Variants in ROBO3 observed in about 807,000 individuals in gnomAD.
ROBO3 encodes roundabout guidance receptor 3, also known as roundabout homolog 3.
A neutral mutation model predicts 160.5 loss-of-function variants in ROBO3; 97 were observed. The observed-to-expected ratio is 0.60, with a 90% CI of 0.51 to 0.72. The LOEUF (loss-of-function observed/expected upper bound fraction) is 0.72, where lower values mean the gene tolerates loss of function less well. ROBO3 is among the 30% of genes least tolerant of loss of function. The pLI, the probability that ROBO3 is intolerant of heterozygous loss-of-function variation, is 0.00. For synonymous variants in ROBO3, 780 were observed against 746.2 expected (o/e 1.05, Z -0.74); for missense variants, 1,858 against 1,846.5 (o/e 1.01, Z -0.11).
intron 15 of ROBO3, 77 bp from the exon 16 acceptor site, chr11:124,875,877 C>T (rs1946353951): frequency 6.6e-7 from 1 of 1,509,720 alleles, no homozygotes; most frequent in Non-Finnish European, 9.0e-7. Flanking sequence ...GGCTTCTCTA[C>T]CATTTGGAGC....
In ROBO3 at chr11:124,876,729, T is replaced by A; in HGVS notation, c.2779+269T>A. 3.9e-6 allele frequency: 1 copy of A among 256,110 alleles called. No individual in the cohort carries two copies. Among genetic ancestry groups the A allele is most frequent in the Non-Finnish European group, 7.2e-6 (1 of 139,396 alleles). 15.9% of individuals were successfully genotyped at this position (256,110 alleles called of 1,614,324 possible). On this transcript the variant is annotated intron_variant, in intron 17 of 27. Transcript: ENST00000397801. The surrounding 1 kb of genome is among the most constrained non-coding windows in gnomAD (Gnocchi z 5.3). ...AGGCCAGGCTTTGCAACCATCTCCA[T>A]AAAGAAGGGGCAAGTTCGAGGACGG...
At chr11:124,874,001 G>A (rs1319172091) in intron 11 of ROBO3, 69 bp from the exon 12 acceptor site, 3 of 1,597,974 alleles carry the variant, frequency 1.9e-6, no homozygotes, top group Non-Finnish European at 2.6e-6. Context: ...CATAGAGAGT[G>A]GATGAGATGG....
chr11:124,880,402 C>T lies in ROBO3; in HGVS notation c.3959-16C>T, dbSNP rs1356930079. Reference sequence around the variant, plus strand: ...TTCCTGCCTGCACCTGGCTACCCTTCCCTCTTGTGCTGCAGAAGAGGCCTG... The same window carrying T: ...TTCCTGCCTGCACCTGGCTACCCTTTCCTCTTGTGCTGCAGAAGAGGCCTG... On this transcript the variant is annotated splice_polypyrimidine_tract_variant and intron_variant, in intron 26 of 27. Transcript: ENST00000397801. 3.1e-6 allele frequency: 5 copies of T among 1,612,592 alleles called. No homozygotes were observed. The highest frequency in any genetic ancestry group is 4.2e-6 in the Non-Finnish European group (5 of 1,179,156).
Position 124,876,699 on chromosome 11 carries a change from C to T in ROBO3, c.2779+239C>T. 2.1e-6 allele frequency: 1 copy of T among 470,274 alleles called. No homozygotes were observed. Among genetic ancestry groups the T allele is most frequent in the Non-Finnish European group, 3.7e-6 (1 of 270,758 alleles). 29.1% of individuals were successfully genotyped at this position (470,274 alleles called of 1,614,324 possible). A position where few individuals can be genotyped will look rare whatever the true frequency, so the allele number is the denominator to read the frequency against. ...GATGACGTTTGCCTCTAAGACGCCA[C>T]GAGGAGGCCAGGCTTTGCAACCATC... is the stretch of plus-strand genomic sequence containing the variant. On this transcript the variant is annotated intron_variant, in intron 17 of 27. Coordinates refer to ENST00000397801, the MANE Select transcript of ROBO3 (RefSeq NM_022370.4). This position sits in a 1 kb window ranked among gnomAD's most constrained non-coding sequence, Gnocchi z 5.3.
rs374537906 is a variant in ROBO3, at chr11:124,870,611, C to T, written c.916C>T (p.Arg306Trp). ...GELPTGRYEI[R>W]SDHSLWIGHV... ...TGGGGAGTGGAGCAGGTATGAGATC[C>T]GGAGTGACCACAGCCTTTGGATTGG... The change falls in exon 6 of 28, where the codon CGG becomes TGG. Residue 306 changes from arginine (R) to tryptophan (W), a missense_variant. Transcript: ENST00000397801. 9 of 1,613,712 alleles carry T rather than the reference C, an allele frequency of 5.6e-6. No individual in the cohort carries two copies. The highest frequency in any genetic ancestry group is 4.4e-5 in the South Asian group (4 of 90,958).
Position 124,873,298 on chromosome 11 carries a change from C to T in ROBO3, c.1537-12C>T. 6.2e-7 allele frequency: 1 copy of T among 1,603,576 alleles called. No homozygotes were observed. Among genetic ancestry groups the T allele is most frequent in the Non-Finnish European group, 8.5e-7 (1 of 1,175,180 alleles). On this transcript the variant is annotated splice_polypyrimidine_tract_variant and intron_variant, in intron 9 of 27. Transcript: ENST00000397801. This position sits in a 1 kb window ranked among gnomAD's most constrained non-coding sequence, Gnocchi z 4.5. ...CACTCTCAGTTTGCCAGTGCTCTGC[C>T]CTCTCTTCCAGGAGATGGACATGGG...
intron 23 of ROBO3, 73 bp from the exon 24 acceptor site, chr11:124,879,117 C>A: frequency 1.4e-6 from 2 of 1,478,360 alleles, no homozygotes; most frequent in Non-Finnish European, 1.8e-6. Flanking sequence ...GATTGTCTAG[C>A]ACAGTGCCAG....
In ROBO3 at chr11:124,869,429, G is replaced by GCGGGCCCCCCCCCCC; in HGVS notation, c.488-20_488-19insGGGCCCCCCCCCCCC. On this transcript the variant is annotated intron_variant, in intron 2 of 27. Transcript: ENST00000397801. This position sits in a 1 kb window ranked among gnomAD's most constrained non-coding sequence, Gnocchi z 4.2. ...TGTCACTCTACACCCTGCTTATTTC[G>GCGGGCCCCCCCCCCC]CCCCCCACCGCCCCGCCCAGTCCTC... 7.7e-7 allele frequency: 1 copy of GCGGGCCCCCCCCCCC among 1,295,762 alleles called. No individual in the cohort carries two copies. Among genetic ancestry groups the GCGGGCCCCCCCCCCC allele is most frequent in the Non-Finnish European group, 1.1e-6 (1 of 929,940 alleles). The allele number at this position is 1,295,762 out of a possible 1,614,324, so 80.3% of individuals were successfully genotyped here. A position where few individuals can be genotyped will look rare whatever the true frequency, so the allele number is the denominator to read the frequency against.
In ROBO3 at chr11:124,865,539, G is replaced by A. The variant is rs763884077; in HGVS notation, c.-39G>A. On this transcript the variant is annotated 5_prime_UTR_variant, in exon 1 of 28. Transcript: ENST00000397801. The surrounding 1 kb of genome is among the most constrained non-coding windows in gnomAD (Gnocchi z 5.5). ...CACGGGTCTCAGACCCAGGGGCTGGGCCCCCAGCCCCCAGTCCCGATCCCA... is the reference window on the plus strand; with the variant it reads ...CACGGGTCTCAGACCCAGGGGCTGGACCCCCAGCCCCCAGTCCCGATCCCA... 7.5e-6 allele frequency: 12 copies of A among 1,599,972 alleles called. No individual in the cohort carries two copies. The South Asian group carries it at 7.8e-5, about 10-fold the overall frequency.
Position 124,865,686 on chromosome 11 carries a change from C to A in ROBO3, c.109C>A (p.Leu37Met). ...SELLLGFNSS[L>M]AALNHTLLPP... ...GCTGCTCTTGGGCTTCAACTCCTCG[C>A]TGGCGGCGCTCAACCACACCCTGCT... The change falls in exon 1 of 28, where the codon CTG becomes ATG. Residue 37 changes from leucine to methionine, a missense_variant. Transcript: ENST00000397801. This position sits in a 1 kb window ranked among gnomAD's most constrained non-coding sequence, Gnocchi z 5.5. 6.2e-7 allele frequency: 1 copy of A among 1,611,856 alleles called. No homozygotes were observed. Among genetic ancestry groups the A allele is most frequent in the Non-Finnish European group, 8.5e-7 (1 of 1,179,270 alleles).
At chr11:124,880,160 G>T (rs12283298) in intron 26 of ROBO3, among the ~76,000 whole-genome samples, 9,402 of 152,286 alleles carry the variant, frequency 0.062, 840 homozygotes, top group African/African-American at 0.2. Flanking sequence ...CAGATAAGAG[G>T]ACTGGGCTCT....
rs572788740 is a variant in ROBO3, at chr11:124,880,308, T to C, written c.3959-110T>C. 2.0e-6 allele frequency: 3 copies of C among 1,501,926 alleles called. No individual in the cohort carries two copies. The African/African-American group carries it at 4.1e-5, about 21-fold the overall frequency. 93.0% of individuals were successfully genotyped at this position (1,501,926 alleles called of 1,614,324 possible). A position where few individuals can be genotyped will look rare whatever the true frequency, so the allele number is the denominator to read the frequency against. ...CCCCAGGCTGGCTGAGCCCTGTGCC[T>C]GCCCTTCATCTTCTTCCAGAGCTGA... is the stretch of plus-strand genomic sequence containing the variant. On this transcript the variant is annotated intron_variant, in intron 26 of 27. Coordinates refer to ENST00000397801, the MANE Select transcript of ROBO3 (RefSeq NM_022370.4).
Position 124,870,036 on chromosome 11 carries a change from G to T in ROBO3, c.734G>T (p.Arg245Leu). 6.2e-7 allele frequency: 1 copy of T among 1,614,012 alleles called. No individual in the cohort carries two copies. The highest frequency in any genetic ancestry group is 8.5e-7 in the Non-Finnish European group (1 of 1,179,898). The part of the protein sequence containing the change: ...VCVASNMAGE[R>L]ESAAAEVMVL... ...GTAGCCTCCAACATGGCGGGAGAAC[G>T]GGAGAGTGCGGCAGCTGAAGTCATG... The change falls in exon 4 of 28, where the codon CGG (arginine) becomes CTG (leucine). Residue 245 changes from arginine to leucine, a missense_variant. Physicochemically the swap from Arg to Leu is moderately radical, Grantham distance 102. Transcript: ENST00000397801.
Position 124,865,525 on chromosome 11 carries a change from G to A in ROBO3, c.-53G>A, listed in dbSNP as rs908972982. 83 of 1,583,698 alleles carry A rather than the reference G, an allele frequency of 5.2e-5. No homozygotes were observed. The highest frequency in any genetic ancestry group is 7.1e-5 in the Non-Finnish European group (83 of 1,166,440). ...TACGGCTCCCAGCCCACGGGTCTCA[G>A]ACCCAGGGGCTGGGCCCCCAGCCCC... On this transcript the variant is annotated 5_prime_UTR_variant, in exon 1 of 28. Coordinates refer to ENST00000397801, the MANE Select transcript of ROBO3 (RefSeq NM_022370.4). The surrounding 1 kb of genome is among the most constrained non-coding windows in gnomAD (Gnocchi z 5.5).
Position 124,877,326 on chromosome 11 carries a change from A to G in ROBO3, c.2846+17A>G, listed in dbSNP as rs751193450. ...CAGTTCCAGGTAATTCTCTTAGCCC[A>G]TTTCCTCAGGATGACCTCCACCGAC... is the stretch of plus-strand genomic sequence containing the variant. On this transcript the variant is annotated intron_variant, in intron 19 of 27. Coordinates refer to ENST00000397801, the MANE Select transcript of ROBO3 (RefSeq NM_022370.4). The G allele has an allele frequency of 1.9e-6, 3 of 1,613,290 alleles. 1 individual carries two copies. In the South Asian group the frequency reaches 3.3e-5, roughly 18 times the overall value.
chr11:124,866,003 G>A (rs1400521692), intron 1 of ROBO3, among the ~76,000 whole-genome samples: 1 of 152,170 alleles, frequency 6.6e-6, no homozygotes, highest in African/African-American at 2.4e-5. Context: ...CCCACCCCAG[G>A]TGAGAAGAAC....
At chr11:124,877,730 C>G (rs573710735) in intron 20 of ROBO3, 72 bp downstream of exon 20, 2 of 1,558,404 alleles carry the variant, frequency 1.3e-6, no homozygotes, top group East Asian at 2.4e-5. Flanking sequence ...CCGAAGGGCG[C>G]CCGGGAGCCC....
At chr11:124,880,750 A>C in intron 27 of ROBO3, 142 bp downstream of exon 27, 2 of 1,232,924 alleles carry the variant, frequency 1.6e-6, no homozygotes, top group Non-Finnish European at 2.2e-6. Flanking sequence ...GGGAGGGAGG[A>C]ATCCTGTAGA....
rs1946270476 is a variant in ROBO3, at chr11:124,870,743, T to G, written c.1033+15T>G. The G allele has an allele frequency of 6.2e-7, 1 of 1,607,748 alleles. No individual in the cohort carries two copies. The highest frequency in any genetic ancestry group is 8.5e-7 in the Non-Finnish European group (1 of 1,177,162). ...CAGTGTTCACGGTGAGGGCTGTACT[T>G]GGGACTGCCTGCAGCAGGAATGGTA... On this transcript the variant is annotated intron_variant, in intron 6 of 27. Transcript: ENST00000397801.
Sources: gnomAD v4.1 joint callset for allele counts (sites outside exome capture counted in the v4.1 genomes callset) on GRCh38, gnomAD v4.1.1 for gene constraint, Gnocchi (gnomAD v3.1) non-coding constraint, MANE v1.5 for transcripts, NCBI Gene and HGNC (gene_info 2026-07-23, HGNC 2026-07-21) for gene names.